Variants in EGLN3 observed in about 807,000 individuals in gnomAD.
EGLN3 encodes the protein egl-9 family hypoxia inducible factor 3, also known as prolyl hydroxylase EGLN3.
EGLN3 carries 15 observed loss-of-function variants against 26.0 expected under a neutral mutation model. The ratio of observed to expected loss-of-function variants is 0.58; its 90% CI spans 0.39 to 0.89. The LOEUF (loss-of-function observed/expected upper bound fraction) is 0.89, where lower values mean the gene tolerates loss of function less well. EGLN3 is among the 40% of genes least tolerant of loss of function. The pLI is 0.00. For missense variants in EGLN3, 238 were observed against 311.6 expected (o/e 0.76, Z 1.78); for synonymous variants, 147 against 127.2 (o/e 1.16, Z -1.05).
chr14:33,926,914 A>G, intron 4 of EGLN3, 46 bp downstream of exon 4: 1 of 1,410,450 alleles, frequency 7.1e-7, no homozygotes, highest in South Asian at 1.2e-5. Flanking sequence ...AATAAAAGTC[A>G]AGGATTAACT....
chr14:33,946,992 G>C (rs1165961828), intron 1 of EGLN3, among the ~76,000 whole-genome samples: 1 of 152,200 alleles, frequency 6.6e-6, no homozygotes, highest in East Asian at 1.9e-4. Flanking sequence ...GATTAAGCAA[G>C]ATAGTATTTG....
At chr14:33,926,916 G>T in intron 4 of EGLN3, 44 bp downstream of exon 4, 1 of 1,419,846 alleles carries the variant, frequency 7.0e-7, no homozygotes, top group South Asian at 1.2e-5. Context: ...TAAAAGTCAA[G>T]GATTAACTTG....
chr14:33,932,552 G>A (rs1680699), intron 1 of EGLN3, among the ~76,000 whole-genome samples: 142,580 of 152,100 alleles, frequency 0.94, 67,140 homozygotes, highest in Non-Finnish European at 0.98. Flanking sequence ...CACCTTGCAT[G>A]CCAGATCAAT....
chr14:33,950,614 C>A lies in EGLN3; in HGVS notation c.139G>T (p.Val47Phe). 1 of 1,613,730 alleles carries A rather than the reference C, an allele frequency of 6.2e-7. No individual in the cohort carries two copies. The highest frequency in any genetic ancestry group is 8.5e-7 in the Non-Finnish European group (1 of 1,179,920). Residue 47 changes from valine (V) to phenylalanine (F), a missense_variant, in exon 1 of 5, where the codon GTC becomes TTC. Coordinates refer to ENST00000250457, the MANE Select transcript of EGLN3 (RefSeq NM_022073.4). ...GCCCCGGTGCAGTGCAGCTGCTTGA[C>A]GCGCTCCAGGACGCAGTCGCCCACC... ...EVVGDCVLER[V>F]KQLHCTGALR...
rs557743406 is a variant in EGLN3, at chr14:33,944,757, G to T, written c.357+5639C>A. Among the ~76,000 whole-genome samples, 35 of 152,316 alleles carry T rather than the reference G, an allele frequency of 2.3e-4. 1 individual carries two copies. In the East Asian group the frequency reaches 6.7e-3, roughly 29 times the overall value. ...CTCAACTCTCAGCTTAGTTCTTCAGGTGGTTTTGTAATCACTGGGCACTTC... is the reference window on the plus strand; with the variant it reads ...CTCAACTCTCAGCTTAGTTCTTCAGTTGGTTTTGTAATCACTGGGCACTTC... On this transcript the variant is annotated intron_variant, in intron 1 of 4. Transcript: ENST00000250457.
At chr14:33,934,842 C>T (rs548648186) in intron 1 of EGLN3, among the ~76,000 whole-genome samples, 1 of 152,284 alleles carries the variant, frequency 6.6e-6, no homozygotes, top group South Asian at 2.1e-4. Context: ...ATTTAACTCA[C>T]CAAATTAAAG....
Position 33,950,794 on chromosome 14 carries a change from CAG to C in EGLN3, c.-44_-43del, listed in dbSNP as rs1491276664. On this transcript the variant is annotated 5_prime_UTR_variant, in exon 1 of 5. Transcript: ENST00000250457. Reference sequence around the variant, plus strand: ...AGGTCCGGGATCCCCAGCGTGCAACCAGAGAGGGAACGATCTACACGAGCGCG... The same window carrying C: ...AGGTCCGGGATCCCCAGCGTGCAACCAGAGGGAACGATCTACACGAGCGCG... The C allele has an allele frequency of 2.1e-6, 3 of 1,426,376 alleles. No individual in the cohort carries two copies. The Admixed American group carries it at 6.0e-5, about 28-fold the overall frequency. The allele number at this position is 1,426,376 out of a possible 1,614,324, so 88.4% of individuals were successfully genotyped here.
chr14:33,941,802 G>A (rs2064485298), intron 1 of EGLN3, among the ~76,000 whole-genome samples: 4 of 152,162 alleles, frequency 2.6e-5, no homozygotes. Flanking sequence ...AGAGTTCTGG[G>A]GAGCAGAAGG....
At chr14:33,946,869 G>A (rs1467682513) in intron 1 of EGLN3, among the ~76,000 whole-genome samples, 1 of 152,232 alleles carries the variant, frequency 6.6e-6, no homozygotes, top group Non-Finnish European at 1.5e-5. Context: ...CACGAAGTTA[G>A]TTAACACTGA....
intron 1 of EGLN3, among the ~76,000 whole-genome samples, chr14:33,931,902 C>G (rs1361290638): frequency 6.6e-6 from 1 of 152,196 alleles, no homozygotes; most frequent in East Asian, 1.9e-4. Context: ...CTGAAGTTCT[C>G]TTTGTCTAAG....
intron 1 of EGLN3, among the ~76,000 whole-genome samples, chr14:33,941,406 TGA>T (rs988460449): frequency 6.7e-6 from 1 of 148,996 alleles, no homozygotes; most frequent in African/African-American, 2.5e-5. Context: ...ATTTCGAAAC[TGA>T]GAAAAAAAAA....
chr14:33,928,199 G>T (rs749473668), intron 3 of EGLN3, among the ~76,000 whole-genome samples: 14 of 152,100 alleles, frequency 9.2e-5, no homozygotes, highest in Non-Finnish European at 1.8e-4. Flanking sequence ...TCATCTAGAA[G>T]ACATTCCGAT....
At chr14:33,926,842 A>G (rs2064365464) in intron 4 of EGLN3, 118 bp downstream of exon 4, 2 of 638,024 alleles carry the variant, frequency 3.1e-6, no homozygotes, top group African/African-American at 1.9e-5. Flanking sequence ...TCAAGATGTC[A>G]TTATATATAA....
intron 2 of EGLN3, among the ~76,000 whole-genome samples, chr14:33,930,647 AC>A (rs1375707666): frequency 2.6e-5 from 4 of 151,978 alleles, no homozygotes; most frequent in African/African-American, 9.7e-5. Context: ...GAGACATACC[AC>A]CCCGAGGGAG....
intron 1 of EGLN3, 51 bp from the exon 2 acceptor site, chr14:33,931,266 T>C (rs1175938201): frequency 6.2e-7 from 1 of 1,612,506 alleles, no homozygotes. Flanking sequence ...ACAGACAATC[T>C]TCTCCTCCCA....
At chr14:33,927,776 G>T (rs763703826) in intron 3 of EGLN3, among the ~76,000 whole-genome samples, 1 of 152,162 alleles carries the variant, frequency 6.6e-6, no homozygotes, top group Non-Finnish European at 1.5e-5. Flanking sequence ...TTTGAAAAAC[G>T]ACTTATGTAA....
chr14:33,928,648 CA>C (rs1338163921), intron 3 of EGLN3, among the ~76,000 whole-genome samples: 2 of 152,144 alleles, frequency 1.3e-5, no homozygotes, highest in Non-Finnish European at 2.9e-5. Flanking sequence ...TTTCTCTTCT[CA>C]AGGCTCTTTC....
intron 1 of EGLN3, among the ~76,000 whole-genome samples, chr14:33,944,620 A>G (rs1629140): frequency 0.55 from 84,144 of 152,116 alleles, 23,434 homozygotes; most frequent in Non-Finnish European, 0.58. Context: ...TTCATTTTAA[A>G]TTAACAGAGA....
chr14:33,926,566 C>G (rs1475497186), intron 4 of EGLN3, among the ~76,000 whole-genome samples: 22 of 152,120 alleles, frequency 1.4e-4, no homozygotes, highest in Admixed American at 1.4e-3. Context: ...ATGAGCCCTG[C>G]TGTTATACTG....
Sources: gnomAD v4.1 joint callset for allele counts (sites outside exome capture counted in the v4.1 genomes callset) on GRCh38, gnomAD v4.1.1 for gene constraint, MANE v1.5 for transcripts, NCBI Gene and HGNC (gene_info 2026-07-23, HGNC 2026-07-21) for gene names.